BRD4: variants seen among roughly 807,000 people sequenced by gnomAD.
BRD4 encodes bromodomain-containing protein 4.
BRD4 carries 16 observed loss-of-function variants against 142.1 expected under a neutral mutation model. That is an observed-to-expected ratio of 0.11 (90% CI 0.08 to 0.17). The LOEUF (loss-of-function observed/expected upper bound fraction) is 0.17, where lower values mean the gene tolerates loss of function less well. Among genes scored for constraint, BRD4 ranks in the 10% least tolerant of loss-of-function variants. The pLI is 1.00. For synonymous variants in BRD4, 833 were observed against 707.5 expected (o/e 1.18, Z -2.82); for missense variants, 1,424 against 1,810.9 (o/e 0.79, Z 3.88).
At chr19:15,318,339 A>G (rs1156951091) in intron 1 of BRD4, among the ~76,000 whole-genome samples, 1 of 152,186 alleles carries the variant, frequency 6.6e-6, no homozygotes, top group Non-Finnish European at 1.5e-5. Context: ...AGAAGTAATA[A>G]GAGTTCTTTT....
chr19:15,320,168 C>G (rs996476017), intron 1 of BRD4, among the ~76,000 whole-genome samples: 3 of 152,108 alleles, frequency 2.0e-5, no homozygotes, highest in Non-Finnish European at 2.9e-5. Context: ...CAGGGTCAGT[C>G]CCATTCTTAG....
chr19:15,311,066 G>A (rs1436938096), intron 1 of BRD4, among the ~76,000 whole-genome samples: 1 of 151,958 alleles, frequency 6.6e-6, no homozygotes, highest in Non-Finnish European at 1.5e-5. Context: ...CGAGGCAGGT[G>A]GATCCCTTGA....
chr19:15,255,266 G>T, intron 10 of BRD4, 31 bp downstream of exon 10: 1 of 1,593,280 alleles, frequency 6.3e-7, no homozygotes, highest in Non-Finnish European at 8.6e-7. Flanking sequence ...GCCCACAGAA[G>T]GAACCCCATG....
chr19:15,323,638 A>T (rs2048083705), intron 1 of BRD4, among the ~76,000 whole-genome samples: 1 of 152,170 alleles, frequency 6.6e-6, no homozygotes, highest in African/African-American at 2.4e-5. Flanking sequence ...AGGACACGAG[A>T]ATTACTAATT....
chr19:15,300,371 G>A (rs1214093134), intron 1 of BRD4, among the ~76,000 whole-genome samples: 2 of 151,772 alleles, frequency 1.3e-5, no homozygotes, highest in Non-Finnish European at 2.9e-5. Context: ...GGCCAACATG[G>A]TGAAACCCTG....
rs202092653 is a variant in BRD4, at chr19:15,238,150, C to T, written c.*227G>A. The T allele has an allele frequency of 2.8e-5, 17 of 618,078 alleles. No individual in the cohort carries two copies. Among genetic ancestry groups the T allele is most frequent in the Non-Finnish European group, 4.1e-5 (15 of 362,330 alleles). 38.3% of individuals were successfully genotyped at this position (618,078 alleles called of 1,614,324 possible). On this transcript the variant is annotated 3_prime_UTR_variant, in exon 20 of 20. Coordinates refer to ENST00000679869, the MANE Select transcript of BRD4 (RefSeq NM_001379291.1). This position sits in a 1 kb window ranked among gnomAD's most constrained non-coding sequence, Gnocchi z 7.2. ...CGTAACAAGGCGTGTGCTGAGCGGA[C>T]GTCCTGTGAGGGGTGGTGGGTGGCG...
intron 1 of BRD4, among the ~76,000 whole-genome samples, chr19:15,311,219 G>A (rs1396660590): frequency 6.6e-6 from 1 of 152,108 alleles, no homozygotes; most frequent in East Asian, 1.9e-4. Context: ...TTGAGCACAG[G>A]AGGCGGAGGT....
intron 11 of BRD4, among the ~76,000 whole-genome samples, chr19:15,250,047 G>A (rs1217438648): frequency 6.6e-6 from 1 of 152,106 alleles, no homozygotes; most frequent in Non-Finnish European, 1.5e-5. Context: ...TCCCACCCAC[G>A]TAGCAGAGCG....
intron 5 of BRD4, among the ~76,000 whole-genome samples, chr19:15,264,970 G>A (rs971443498): frequency 1.3e-5 from 2 of 152,224 alleles, no homozygotes; most frequent in Non-Finnish European, 2.9e-5. Flanking sequence ...GGACCTGCCT[G>A]TGGCAGGAGA....
At chr19:15,301,630 G>A (rs984344698) in intron 1 of BRD4, among the ~76,000 whole-genome samples, 3 of 151,620 alleles carry the variant, frequency 2.0e-5, no homozygotes, top group African/African-American at 7.3e-5. Context: ...GGGAAGCCGA[G>A]GTGGACAGAT....
chr19:15,260,148 C>T (rs957671038), intron 7 of BRD4, among the ~76,000 whole-genome samples: 2 of 152,246 alleles, frequency 1.3e-5, no homozygotes, highest in African/African-American at 4.8e-5. Context: ...TTCAGCACAC[C>T]TCACTGGTTT....
At chr19:15,324,952 C>T (rs911763449) in intron 1 of BRD4, among the ~76,000 whole-genome samples, 1 of 152,226 alleles carries the variant, frequency 6.6e-6, no homozygotes, top group South Asian at 2.1e-4. Flanking sequence ...ACTTGGAAGA[C>T]GTGGCACCTC....
rs2047294766 is a variant in BRD4, at chr19:15,247,106, A to G, written c.2159-2344T>C. On this transcript the variant is annotated intron_variant, in intron 11 of 19. Transcript: ENST00000679869. Reference sequence around the variant, plus strand: ...CAATCTTCAACTCAACACAAATTTCATCTTTACATAGGATGGTAATTGTAC... The same window carrying G: ...CAATCTTCAACTCAACACAAATTTCGTCTTTACATAGGATGGTAATTGTAC... 3 of 211,576 alleles carry G rather than the reference A, an allele frequency of 1.4e-5. No homozygotes were observed. The Admixed American group carries it at 1.8e-4, about 12-fold the overall frequency. The allele number at this position is 211,576 out of a possible 1,614,324, so 13.1% of individuals were successfully genotyped here. A position where few individuals can be genotyped will look rare whatever the true frequency, so the allele number is the denominator to read the frequency against.
At chr19:15,320,412 G>A (rs1465129859) in intron 1 of BRD4, among the ~76,000 whole-genome samples, 1 of 152,168 alleles carries the variant, frequency 6.6e-6, no homozygotes, top group Admixed American at 6.6e-5. Flanking sequence ...ACGGAAGATA[G>A]ATGAATCCAG....
chr19:15,265,381 G>C lies in BRD4; in HGVS notation c.822C>G (p.Ile274Met). The C allele has an allele frequency of 6.6e-7, 1 of 1,516,752 alleles. No homozygotes were observed. Among genetic ancestry groups the C allele is most frequent in the Non-Finnish European group, 8.8e-7 (1 of 1,135,322 alleles). 94.0% of individuals were successfully genotyped at this position (1,516,752 alleles called of 1,614,324 possible). ...APQPVQSHPP[I>M]IAATPQPVKT... The stretch of plus-strand genomic sequence containing the variant: ...TCACAGGCTGTGGGGTGGCCGCGAT[G>C]ATGGGTGGGTGGCTCTGTACGGGCT... The change falls in exon 5 of 20, where the codon ATC becomes ATG. Residue 274 changes from isoleucine to methionine, a missense_variant. Physicochemically the swap from Ile to Met is conservative, Grantham distance 10. Coordinates refer to ENST00000679869, the MANE Select transcript of BRD4 (RefSeq NM_001379291.1).
At chr19:15,311,410 G>A (rs2047969401) in intron 1 of BRD4, among the ~76,000 whole-genome samples, 1 of 152,202 alleles carries the variant, frequency 6.6e-6, no homozygotes, top group African/African-American at 2.4e-5. Flanking sequence ...CAACAAAGGA[G>A]TGGAATTCTG....
intron 1 of BRD4, among the ~76,000 whole-genome samples, chr19:15,299,912 A>G (rs2047853604): frequency 6.6e-6 from 1 of 152,204 alleles, no homozygotes; most frequent in Non-Finnish European, 1.5e-5. Flanking sequence ...CAGAGAGCGT[A>G]TGAAGAGCTG....
chr19:15,282,571 A>G (rs975490216), intron 1 of BRD4, among the ~76,000 whole-genome samples: 2 of 152,208 alleles, frequency 1.3e-5, no homozygotes, highest in African/African-American at 4.8e-5. Context: ...TTGGCCCTTC[A>G]GGCACTACAC....
rs756217610 is a variant in BRD4 at position 15,239,648 on chromosome 19, A to G, written c.3445+11T>C. 6.4e-6 allele frequency: 10 copies of G among 1,571,630 alleles called. No individual in the cohort carries two copies. The South Asian group carries it at 1.1e-4, about 18-fold the overall frequency. On this transcript the variant is annotated intron_variant, in intron 16 of 19. Coordinates refer to ENST00000679869, the MANE Select transcript of BRD4 (RefSeq NM_001379291.1). This position sits in a 1 kb window ranked among gnomAD's most constrained non-coding sequence, Gnocchi z 7.4. Reference sequence around the variant, plus strand: ...GCCTGAGCCCTGGCTGTGGGCAGGGAGAGCACTCACGCTGGGGCAGGTGGA... The same window carrying G: ...GCCTGAGCCCTGGCTGTGGGCAGGGGGAGCACTCACGCTGGGGCAGGTGGA...
Sources: gnomAD v4.1 joint callset for allele counts (sites outside exome capture counted in the v4.1 genomes callset) on GRCh38, gnomAD v4.1.1 for gene constraint, Gnocchi (gnomAD v3.1) non-coding constraint, MANE v1.5 for transcripts, NCBI Gene and HGNC (gene_info 2026-07-23, HGNC 2026-07-21) for gene names.